ZNF562: variants seen among roughly 807,000 people sequenced by gnomAD.
ZNF562 encodes the protein zinc finger protein 562.
ZNF562 carries 13 observed loss-of-function variants against 17.5 expected under a neutral mutation model. The observed-to-expected ratio is 0.74, with a 90% CI of 0.48 to 1.18. The LOEUF is 1.18. Among genes scored for constraint, ZNF562 ranks in the 50% most tolerant of loss-of-function variants. ZNF562 has a pLI of 0.00. For missense variants in ZNF562, 481 were observed against 498.5 expected, an observed-to-expected ratio of 0.96 and a Z score of 0.33; for synonymous variants, 163 against 165.4, an observed-to-expected ratio of 0.99 and a Z score of 0.11.
At chr19:9,654,022 G>C (rs1023400283) in intron 5 of ZNF562, 141 bp from the exon 6 acceptor site, 1 of 1,004,302 alleles carries the variant, frequency 1.0e-6, no homozygotes. Flanking sequence ...ACAGAGTCTT[G>C]TTCTATCTCC....
Position 9,653,056 on chromosome 19 carries a change from T to C in ZNF562, c.1174A>G (p.Arg392Gly). ...NRSSTLTQHR[R>G]IHTGEKPYEC... Reference sequence around the variant, plus strand: ...TAAGGCTTCTCTCCTGTGTGAATTCTTCTATGTTGAGTAAGCGTTGAAGAT... The same window carrying C: ...TAAGGCTTCTCTCCTGTGTGAATTCCTCTATGTTGAGTAAGCGTTGAAGAT... Residue 392 changes from arginine (R) to glycine (G), a missense_variant, in exon 6 of 6, where the codon AGA (arginine) becomes GGA (glycine). Transcript: ENST00000453372. 2 of 1,604,012 alleles carry C rather than the reference T, an allele frequency of 1.2e-6. No individual in the cohort carries two copies. The highest frequency in any genetic ancestry group is 2.7e-5 in the African/African-American group (2 of 74,684).
intron 2 of ZNF562, among the ~76,000 whole-genome samples, chr19:9,659,994 G>A (rs374262637): frequency 5.3e-5 from 6 of 114,238 alleles, no homozygotes; most frequent in South Asian, 3.1e-4. Flanking sequence ...GGAGGCTGAG[G>A]CAGAGAACTG....
In ZNF562 at chr19:9,660,843, C is replaced by T; in HGVS notation, c.-99G>A. 7 of 1,271,150 alleles carry T rather than the reference C, an allele frequency of 5.5e-6. No homozygotes were observed. The South Asian group carries it at 7.8e-5, about 14-fold the overall frequency. The allele number at this position is 1,271,150 out of a possible 1,614,324, so 78.7% of individuals were successfully genotyped here. A position where few individuals can be genotyped will look rare whatever the true frequency, so the allele number is the denominator to read the frequency against. On this transcript the variant is annotated 5_prime_UTR_variant, in exon 2 of 6. Transcript: ENST00000453372. ...GAATCTAGGTGGATACAGGCAATCTCCATTCCCCTTTGTACAGGGTTATCT... is the reference window on the plus strand; with the variant it reads ...GAATCTAGGTGGATACAGGCAATCTTCATTCCCCTTTGTACAGGGTTATCT...
At chr19:9,665,219 TAAA>T (rs1175383402) in intron 1 of ZNF562, among the ~76,000 whole-genome samples, 1 of 109,444 alleles carries the variant, frequency 9.1e-6, no homozygotes. Context: ...AGACTCTGTC[TAAA>T]AAAAAAAAAA....
intron 1 of ZNF562, among the ~76,000 whole-genome samples, chr19:9,668,413 G>A (rs928087701): frequency 2.0e-5 from 3 of 151,964 alleles, no homozygotes; most frequent in Non-Finnish European, 2.9e-5. Flanking sequence ...AACCAAAAAT[G>A]TGAAGGAGCT....
intron 1 of ZNF562, among the ~76,000 whole-genome samples, chr19:9,666,025 A>C (rs990865828): frequency 4.6e-5 from 7 of 151,438 alleles, no homozygotes; most frequent in Non-Finnish European, 7.4e-5. Flanking sequence ...AAAAAAAAAA[A>C]ATCAAAAGAA....
rs117567486 is a variant in ZNF562 at position 9,667,272 on chromosome 19, G to A, written c.-130-6398C>T. On this transcript the variant is annotated intron_variant, in intron 1 of 5. Transcript: ENST00000453372. ...ACAGAACCAAGAATAAAAACCGTAT[G>A]AGATTTCCACAGATGCTGAAACACC... 6.1e-3 allele frequency among the ~76,000 whole-genome samples: 935 copies of A among 152,286 alleles called. 3 individuals carry two copies. The highest frequency in any genetic ancestry group is 9.5e-3 in the Non-Finnish European group (644 of 68,028).
rs1220255994 is a variant in ZNF562 at position 9,648,835 on chromosome 19, G to C, written c.*4114C>G. On this transcript the variant is annotated 3_prime_UTR_variant, in exon 6 of 6. Transcript: ENST00000453372. ...CCATCATGAGCTAGGTGCAGTTCTAGGTATTGAGTTTTATCAGTAAATAAA... is the reference window on the plus strand; with the variant it reads ...CCATCATGAGCTAGGTGCAGTTCTACGTATTGAGTTTTATCAGTAAATAAA... 1.3e-5 allele frequency: 2 copies of C among 151,966 alleles called. No individual in the cohort carries two copies. Among genetic ancestry groups the C allele is most frequent in the Non-Finnish European group, 2.9e-5 (2 of 68,006 alleles). 9.4% of individuals were successfully genotyped at this position (151,966 alleles called of 1,614,324 possible).
intron 1 of ZNF562, among the ~76,000 whole-genome samples, chr19:9,669,768 AC>A (rs2044109679): frequency 2.0e-5 from 3 of 151,306 alleles, no homozygotes; most frequent in Non-Finnish European, 3.0e-5. Context: ...ACACACACAC[AC>A]ACACACAACC....
At chr19:9,657,961 G>C in intron 4 of ZNF562, 48 bp downstream of exon 4, 1 of 1,577,884 alleles carries the variant, frequency 6.3e-7, no homozygotes, top group Non-Finnish European at 8.6e-7. Context: ...AAGTATCTGG[G>C]ACTACAGGTG....
chr19:9,667,711 C>A (rs761923568), intron 1 of ZNF562, among the ~76,000 whole-genome samples: 7 of 152,056 alleles, frequency 4.6e-5, no homozygotes, highest in Non-Finnish European at 8.8e-5. Flanking sequence ...CTGCCTCAGC[C>A]TCCCGAGTAG....
intron 5 of ZNF562, among the ~76,000 whole-genome samples, chr19:9,654,439 C>T (rs2043383639): frequency 6.6e-6 from 1 of 152,044 alleles, no homozygotes; most frequent in Non-Finnish European, 1.5e-5. Flanking sequence ...TAGAGGCATG[C>T]ATCATCCAAT....
In ZNF562 at chr19:9,652,636, T is replaced by A; in HGVS notation, c.*313A>T. 1 of 207,028 alleles carries A rather than the reference T, an allele frequency of 4.8e-6. No homozygotes were observed. Among genetic ancestry groups the A allele is most frequent in the Non-Finnish European group, 9.7e-6 (1 of 103,074 alleles). 12.8% of individuals were successfully genotyped at this position (207,028 alleles called of 1,614,324 possible). A position where few individuals can be genotyped will look rare whatever the true frequency, so the allele number is the denominator to read the frequency against. ...GATGTTGTATTCAGAACCTGTAGGTTTAATTTCAGACCCTCGGGATGCATC... is the reference window on the plus strand; with the variant it reads ...GATGTTGTATTCAGAACCTGTAGGTATAATTTCAGACCCTCGGGATGCATC... On this transcript the variant is annotated 3_prime_UTR_variant, in exon 6 of 6. Coordinates refer to ENST00000453372, the MANE Select transcript of ZNF562 (RefSeq NM_001130031.2).
intron 1 of ZNF562, among the ~76,000 whole-genome samples, chr19:9,663,894 G>A (rs1229722156): frequency 1.3e-5 from 2 of 151,884 alleles, no homozygotes; most frequent in East Asian, 3.9e-4. Context: ...GGGATTACAG[G>A]TGCATGCCAC....
chr19:9,642,119 A>G lies in ZNF562; in HGVS notation c.*10830T>C, dbSNP rs2074775769. 1 of 151,572 alleles carries G rather than the reference A, an allele frequency of 6.6e-6. No homozygotes were observed. Among genetic ancestry groups the G allele is most frequent in the African/African-American group, 2.4e-5 (1 of 41,186 alleles). 9.4% of individuals were successfully genotyped at this position (151,572 alleles called of 1,614,324 possible). On this transcript the variant is annotated 3_prime_UTR_variant, in exon 6 of 6. Coordinates refer to ENST00000453372, the MANE Select transcript of ZNF562 (RefSeq NM_001130031.2). ...CAAGGGCCAATGGCAGGGTACATTC[A>G]CTAGGTGGGGGAGGATGTATCTTAT...
At chr19:9,665,256 C>T (rs1194533033) in intron 1 of ZNF562, among the ~76,000 whole-genome samples, 7 of 149,014 alleles carry the variant, frequency 4.7e-5, no homozygotes, top group East Asian at 2.0e-4. Flanking sequence ...GTGGCTACAA[C>T]GAAGTGAAAA....
Position 9,653,063 on chromosome 19 carries a change from T to A in ZNF562, c.1167A>T (p.Gln389His). Reference sequence around the variant, plus strand: ...TCTCTCCTGTGTGAATTCTTCTATGTTGAGTAAGCGTTGAAGATCTATTGA... The same window carrying A: ...TCTCTCCTGTGTGAATTCTTCTATGATGAGTAAGCGTTGAAGATCTATTGA... ...KAFNRSSTLT[Q>H]HRRIHTGEKP... is the part of the protein sequence containing the mutation. Residue 389 changes from glutamine to histidine, a missense_variant, in exon 6 of 6, where the codon CAA (glutamine) becomes CAT (histidine). Gln to His is a conservative substitution (Grantham distance 24, BLOSUM62 0). This residue lies in a region of ZNF562 where 78 missense variants were observed against 112.0 expected (regional missense o/e 0.70). Transcript: ENST00000453372. 1 of 1,606,002 alleles carries A rather than the reference T, an allele frequency of 6.2e-7. No individual in the cohort carries two copies. Among genetic ancestry groups the A allele is most frequent in the Non-Finnish European group, 8.5e-7 (1 of 1,175,976 alleles).
rs2074815148 is a variant in ZNF562, at chr19:9,647,364, GCCACCACTC to G, written c.*5576_*5584del. On this transcript the variant is annotated 3_prime_UTR_variant, in exon 6 of 6. Transcript: ENST00000453372. ...CAAAGTGGTGGGATTACAGGCATGA[GCCACCACTC>G]CCAGCCTGATAACTGTTTTATTTAT... is the stretch of plus-strand genomic sequence containing the variant. 6.6e-6 allele frequency: 1 copy of G among 152,224 alleles called. No individual in the cohort carries two copies. The highest frequency in any genetic ancestry group is 2.4e-5 in the African/African-American group (1 of 41,390). 9.4% of individuals were successfully genotyped at this position (152,224 alleles called of 1,614,324 possible).
rs1282176824 is a variant in ZNF562 at position 9,643,530 on chromosome 19, A to C, written c.*9419T>G. 1 of 151,556 alleles carries C rather than the reference A, an allele frequency of 6.6e-6. No homozygotes were observed. Among genetic ancestry groups the C allele is most frequent in the Non-Finnish European group, 1.5e-5 (1 of 67,948 alleles). 9.4% of individuals were successfully genotyped at this position (151,556 alleles called of 1,614,324 possible). ...CCACTGGGTTTACTATTTTCTTATCAAGCAGTTGGAATTTATTTGCTAATC... is the reference window on the plus strand; with the variant it reads ...CCACTGGGTTTACTATTTTCTTATCCAGCAGTTGGAATTTATTTGCTAATC... On this transcript the variant is annotated 3_prime_UTR_variant, in exon 6 of 6. Coordinates refer to ENST00000453372, the MANE Select transcript of ZNF562 (RefSeq NM_001130031.2).
Sources: gnomAD v4.1 joint callset for allele counts (sites outside exome capture counted in the v4.1 genomes callset) on GRCh38, gnomAD v4.1.1 for gene constraint, gnomAD v4.1.1 regional missense constraint, MANE v1.5 for transcripts, NCBI Gene and HGNC (gene_info 2026-07-23, HGNC 2026-07-21) for gene names.